Variants in RBFOX1 observed in about 807,000 individuals in gnomAD.
RBFOX1 encodes RNA binding fox-1 homolog 1.
A neutral mutation model predicts 57.7 loss-of-function variants in RBFOX1; 8 were observed. The ratio of observed to expected loss-of-function variants is 0.14; its 90% CI spans 0.08 to 0.25. The LOEUF (loss-of-function observed/expected upper bound fraction) is 0.25. Among genes scored for constraint, RBFOX1 ranks in the 10% least tolerant of loss-of-function variants. The pLI is 1.00. For missense variants in RBFOX1, 611 were observed against 548.5 expected, an observed-to-expected ratio of 1.11 and a Z score of -1.14; for synonymous variants, 326 against 222.4, an observed-to-expected ratio of 1.47 and a Z score of -4.15.
intron 4 of RBFOX1, among the ~76,000 whole-genome samples, chr16:7,184,294 A>G (rs2083291563): frequency 6.6e-6 from 1 of 152,210 alleles, no homozygotes; most frequent in African/African-American, 2.4e-5. Flanking sequence ...CTGTGGAATG[A>G]CCTTAGAGGG....
chr16:5,271,712 G>A lies in RBFOX1; in HGVS notation c.219+31607G>A, dbSNP rs555241527. 3.3e-5 allele frequency among the ~76,000 whole-genome samples: 5 copies of A among 152,234 alleles called. No homozygotes were observed. In the South Asian group the frequency reaches 1.0e-3, roughly 32 times the overall value. On this transcript the variant is annotated intron_variant, in intron 1 of 2. Coordinates refer to the RBFOX1 transcript ENST00000585867. ...TTGTTCAAAACTTATTCTTCCTATT[G>A]GAAACTTTGTACCCTTTGACCAGTG...
At chr16:7,465,671 T>A (rs1567315628) in intron 4 of RBFOX1, among the ~76,000 whole-genome samples, 2 of 152,192 alleles carry the variant, frequency 1.3e-5, no homozygotes, top group Non-Finnish European at 2.9e-5. Flanking sequence ...AGTCTTAGAG[T>A]ATACCCTGGG....
At chr16:5,864,850 C>G (rs2057310164) in intron 3 of RBFOX1, among the ~76,000 whole-genome samples, 1 of 152,120 alleles carries the variant, frequency 6.6e-6, no homozygotes, top group African/African-American at 2.4e-5. Flanking sequence ...CCCCACAGGC[C>G]CTGCCACTCC....
intron 4 of RBFOX1, among the ~76,000 whole-genome samples, chr16:7,385,033 A>G (rs2097853039): frequency 1.3e-5 from 2 of 152,204 alleles, no homozygotes. Flanking sequence ...ACATTCCAGG[A>G]AAATACCCTA....
intron 2 of RBFOX1, among the ~76,000 whole-genome samples, chr16:6,614,963 G>T (rs1282715836): frequency 2.6e-5 from 4 of 152,106 alleles, no homozygotes; most frequent in African/African-American, 9.7e-5. Context: ...AAATATAGAT[G>T]ACTGCATCCC....
intron 2 of RBFOX1, among the ~76,000 whole-genome samples, chr16:6,610,475 A>G (rs1390809065): frequency 1.3e-5 from 2 of 152,040 alleles, no homozygotes; most frequent in Non-Finnish European, 2.9e-5. Context: ...TCACAGGTGC[A>G]TGCCACCACA....
chr16:6,791,814 C>T (rs112348041), intron 3 of RBFOX1, among the ~76,000 whole-genome samples: 8,625 of 152,218 alleles, frequency 0.057, 298 homozygotes, highest in Middle Eastern at 0.15. Context: ...CCTGTGTGTA[C>T]ACAGTCATAC....
intron 3 of RBFOX1, among the ~76,000 whole-genome samples, chr16:6,848,421 C>G (rs141024904): frequency 1.3e-5 from 2 of 152,262 alleles, no homozygotes; most frequent in African/African-American, 2.4e-5. Context: ...GCATGCCAAA[C>G]AAACACTTCT....
intron 1 of RBFOX1, among the ~76,000 whole-genome samples, chr16:5,374,359 G>T (rs1163004021): frequency 6.6e-6 from 1 of 152,252 alleles, no homozygotes; most frequent in African/African-American, 2.4e-5. Flanking sequence ...TCCCTGAGGA[G>T]ATCAGGGAAG....
chr16:5,757,836 T>C (rs956423626), intron 3 of RBFOX1, among the ~76,000 whole-genome samples: 4 of 152,190 alleles, frequency 2.6e-5, no homozygotes, highest in African/African-American at 7.2e-5. Context: ...TCTGGGCTCA[T>C]GCTTCTACTA....
chr16:7,304,579 G>T, intron 4 of RBFOX1: 1 of 985,374 alleles, frequency 1.0e-6, no homozygotes, highest in Non-Finnish European at 1.2e-6. Context: ...GCCTTATGTA[G>T]GTTCTGAGGA....
At chr16:7,323,882 T>C (rs989596466) in intron 4 of RBFOX1, among the ~76,000 whole-genome samples, 10 of 152,066 alleles carry the variant, frequency 6.6e-5, no homozygotes, top group Admixed American at 1.3e-4. Context: ...GATAATCCAA[T>C]AGATAGCAAA....
At chr16:6,317,627 A>G (rs747504599) in intron 2 of RBFOX1, among the ~76,000 whole-genome samples, 1 of 152,110 alleles carries the variant, frequency 6.6e-6, no homozygotes, top group Non-Finnish European at 1.5e-5. Flanking sequence ...GCATTTTTCC[A>G]CTTTCTGCCT....
At chr16:6,882,955 T>A (rs2063260706) in intron 3 of RBFOX1, among the ~76,000 whole-genome samples, 1 of 152,204 alleles carries the variant, frequency 6.6e-6, no homozygotes, top group African/African-American at 2.4e-5. Context: ...CCCTCCTGCT[T>A]TAGCAATCAA....
chr16:5,281,536 A>T (rs1161109639), intron 1 of RBFOX1, among the ~76,000 whole-genome samples: 1 of 152,212 alleles, frequency 6.6e-6, no homozygotes, highest in Non-Finnish European at 1.5e-5. Flanking sequence ...TGAAGTGCTC[A>T]ACTATCATTA....
At chr16:6,170,672 G>T (rs1320539630) in intron 1 of RBFOX1, among the ~76,000 whole-genome samples, 1 of 151,986 alleles carries the variant, frequency 6.6e-6, no homozygotes, top group East Asian at 1.9e-4. Flanking sequence ...GGGGTTTGTT[G>T]TACAAATTAT....
intron 2 of RBFOX1, among the ~76,000 whole-genome samples, chr16:6,353,500 C>T (rs117596346): frequency 0.023 from 3,432 of 151,954 alleles, 69 homozygotes; most frequent in Middle Eastern, 0.034. Context: ...AAGTGTAGGG[C>T]ATGGTGCTGG....
intron 1 of RBFOX1, among the ~76,000 whole-genome samples, chr16:6,254,762 AT>A (rs1324722546): frequency 1.3e-5 from 2 of 152,112 alleles, no homozygotes; most frequent in East Asian, 3.9e-4. Flanking sequence ...AAAACAATAT[AT>A]TTCTGTCTTC....
intron 3 of RBFOX1, among the ~76,000 whole-genome samples, chr16:5,841,816 G>C (rs527391265): frequency 6.6e-6 from 1 of 152,150 alleles, no homozygotes; most frequent in African/African-American, 2.4e-5. Flanking sequence ...CTTTCTACTC[G>C]CAGACTAAAA....
Sources: gnomAD v4.1 joint callset for allele counts (sites outside exome capture counted in the v4.1 genomes callset) on GRCh38, gnomAD v4.1.1 for gene constraint, MANE v1.5 for transcripts, NCBI Gene and HGNC (gene_info 2026-07-23, HGNC 2026-07-21) for gene names.